Variants in RIT2 observed in about 807,000 individuals in gnomAD.
RIT2 encodes the protein GTP-binding protein Rit2.
Under a neutral mutation model 23.7 loss-of-function variants are expected in RIT2, and 24 were observed. The ratio of observed to expected loss-of-function variants is 1.01; its 90% CI spans 0.73 to 1.43. The LOEUF is 1.43. Ranked by LOEUF, RIT2 falls within the 40% of genes most tolerant of loss-of-function variation. The probability of loss-of-function intolerance (pLI) is 0.00; values close to 1 mark genes in which losing one functional copy is unlikely to be tolerated. For synonymous variants in RIT2, 107 were observed against 91.1 expected (o/e 1.17, Z -0.99); for missense variants, 236 against 266.9 (o/e 0.88, Z 0.81).
At chr18:42,863,798 A>T (rs1437186486) in intron 4 of RIT2, among the ~76,000 whole-genome samples, 14 of 152,008 alleles carry the variant, frequency 9.2e-5, no homozygotes, top group Non-Finnish European at 5.9e-5. Context: ...CCCGAATCTC[A>T]AGCCATAATA....
chr18:43,076,972 G>T (rs1255285322), intron 1 of RIT2, among the ~76,000 whole-genome samples: 3 of 150,104 alleles, frequency 2.0e-5, no homozygotes, highest in South Asian at 2.1e-4. Context: ...CCGTAGTGGC[G>T]GGCGCCTGTA....
chr18:42,771,616 A>T (rs1433698858), intron 4 of RIT2, among the ~76,000 whole-genome samples: 1 of 152,186 alleles, frequency 6.6e-6, no homozygotes, highest in Non-Finnish European at 1.5e-5. Flanking sequence ...GATTGATTTG[A>T]ACAAATACAT....
intron 4 of RIT2, among the ~76,000 whole-genome samples, chr18:42,880,412 A>G (rs571419664): frequency 5.6e-4 from 86 of 152,272 alleles, no homozygotes; most frequent in African/African-American, 1.9e-3. Context: ...GTTTCAAGAG[A>G]GTTGAAAATA....
At chr18:42,912,947 C>G (rs552785092) in intron 4 of RIT2, among the ~76,000 whole-genome samples, 2 of 151,570 alleles carry the variant, frequency 1.3e-5, no homozygotes, top group South Asian at 2.1e-4. Flanking sequence ...ATTAAAATAG[C>G]CAAAATTGTT....
chr18:42,992,116 C>A (rs759689070), intron 2 of RIT2, among the ~76,000 whole-genome samples: 8 of 147,096 alleles, frequency 5.4e-5, no homozygotes, highest in Non-Finnish European at 9.0e-5. Flanking sequence ...TTTAAACTTG[C>A]CTCCTTCACT....
chr18:42,822,325 C>T (rs538126127), intron 4 of RIT2, among the ~76,000 whole-genome samples: 2 of 152,188 alleles, frequency 1.3e-5, no homozygotes, highest in East Asian at 3.9e-4. Flanking sequence ...GGCTCAATGG[C>T]TAATCATGCA....
rs1914051242 is a variant in RIT2 at position 43,115,597 on chromosome 18, T to G, written c.-78A>C. 9.8e-6 allele frequency: 15 copies of G among 1,528,512 alleles called. No homozygotes were observed. In the South Asian group the frequency reaches 1.9e-4, roughly 19 times the overall value. 94.7% of individuals were successfully genotyped at this position (1,528,512 alleles called of 1,614,324 possible). ...TGCTTGCTCGAATATTAAGCAACTC[T>G]AAAACTGTGTCAAAGCAAAGGTTTT... On this transcript the variant is annotated 5_prime_UTR_variant, in exon 1 of 5. Coordinates refer to ENST00000326695, the MANE Select transcript of RIT2 (RefSeq NM_002930.4).
chr18:42,982,621 T>G (rs1029290132), intron 2 of RIT2, among the ~76,000 whole-genome samples: 7 of 152,094 alleles, frequency 4.6e-5, no homozygotes, highest in Admixed American at 4.6e-4. Context: ...ATTTTCAGGA[T>G]TTTAGATGTT....
chr18:42,830,399 T>G (rs570139829), intron 4 of RIT2, among the ~76,000 whole-genome samples: 23 of 152,284 alleles, frequency 1.5e-4, no homozygotes, highest in Non-Finnish European at 2.8e-4. Flanking sequence ...GTCAACATGG[T>G]CAGGATATCA....
Position 43,091,473 on chromosome 18 carries a change from A to T in RIT2, c.103+23944T>A, listed in dbSNP as rs572256919. Among the ~76,000 whole-genome samples the T allele has an allele frequency of 3.3e-5, 5 of 152,198 alleles. 1 individual carries two copies. The South Asian group carries it at 1.0e-3, about 32-fold the overall frequency. On this transcript the variant is annotated intron_variant, in intron 1 of 4. Transcript: ENST00000326695. ...TGCACTGGTGATATTAAAATGCTGAATAATGTGGTCTTTACTATGGCCCCA... is the reference window on the plus strand; with the variant it reads ...TGCACTGGTGATATTAAAATGCTGATTAATGTGGTCTTTACTATGGCCCCA...
intron 4 of RIT2, among the ~76,000 whole-genome samples, chr18:42,886,597 A>G (rs1908028636): frequency 6.6e-6 from 1 of 152,216 alleles, no homozygotes; most frequent in African/African-American, 2.4e-5. Flanking sequence ...TGGGCACATA[A>G]GTTGTACTGC....
At position 42,925,416 on chromosome 18, in the gene RIT2, A is replaced by G. The variant is rs531834023; in HGVS notation, c.235-1653T>C. Among the ~76,000 whole-genome samples, 652 of 152,128 alleles carry G rather than the reference A, an allele frequency of 4.3e-3. 8 individuals carry two copies. The highest frequency in any genetic ancestry group is 0.015 in the African/African-American group (615 of 41,540). Reference sequence around the variant, plus strand: ...ACATTTCTTTGGAAAAGAAATTATAAAATCATCTTAGAAATATGTTTGATC... The same window carrying G: ...ACATTTCTTTGGAAAAGAAATTATAGAATCATCTTAGAAATATGTTTGATC... On this transcript the variant is annotated intron_variant, in intron 3 of 4. Transcript: ENST00000326695.
chr18:43,049,584 ATAGTTAAT>A (rs1912328631), intron 1 of RIT2, among the ~76,000 whole-genome samples: 1 of 152,162 alleles, frequency 6.6e-6, no homozygotes, highest in Non-Finnish European at 1.5e-5. Flanking sequence ...AAATGTTATG[ATAGTTAAT>A]TGCAGGTTCT....
At chr18:43,090,421 T>C (rs72910673) in intron 1 of RIT2, among the ~76,000 whole-genome samples, 20 of 152,244 alleles carry the variant, frequency 1.3e-4, no homozygotes, top group Admixed American at 5.2e-4. Flanking sequence ...ACGCTGTTGA[T>C]GGAAGTGTAA....
chr18:42,798,328 T>C (rs763383247), intron 4 of RIT2, among the ~76,000 whole-genome samples: 8 of 152,218 alleles, frequency 5.3e-5, no homozygotes, highest in Non-Finnish European at 1.0e-4. Flanking sequence ...GTGAACCTAA[T>C]ATTAGGGGAA....
rs576588630 is a variant in RIT2 at position 42,755,435 on chromosome 18, C to T, written c.427-11715G>A. On this transcript the variant is annotated intron_variant, in intron 4 of 4. Transcript: ENST00000326695. Reference sequence around the variant, plus strand: ...CTCCTCCTGGCTGTTTTCTTCAAGTCCCAGCTGAAATATCACCTCCACTGA... The same window carrying T: ...CTCCTCCTGGCTGTTTTCTTCAAGTTCCAGCTGAAATATCACCTCCACTGA... 7.9e-5 allele frequency among the ~76,000 whole-genome samples: 12 copies of T among 152,222 alleles called. No homozygotes were observed. In the South Asian group the frequency reaches 2.5e-3, roughly 32 times the overall value.
intron 4 of RIT2, among the ~76,000 whole-genome samples, chr18:42,778,363 A>AT (rs1250334133): frequency 2.6e-5 from 4 of 152,078 alleles, no homozygotes; most frequent in Non-Finnish European, 4.4e-5. Flanking sequence ...TACTGTCATC[A>AT]TTTTTTTCTC....
intron 4 of RIT2, among the ~76,000 whole-genome samples, chr18:42,912,315 C>A (rs1219433295): frequency 2.0e-5 from 3 of 151,656 alleles, no homozygotes; most frequent in Admixed American, 2.0e-4. Context: ...AAAAACTACA[C>A]CAAACATCAT....
At chr18:42,976,995 C>A (rs2096823575) in intron 2 of RIT2, among the ~76,000 whole-genome samples, 1 of 152,024 alleles carries the variant, frequency 6.6e-6, no homozygotes, top group Non-Finnish European at 1.5e-5. Flanking sequence ...TCTCAGATTT[C>A]TTGCATTTGA....
Sources: gnomAD v4.1 joint callset for allele counts (sites outside exome capture counted in the v4.1 genomes callset) on GRCh38, gnomAD v4.1.1 for gene constraint, MANE v1.5 for transcripts, NCBI Gene and HGNC (gene_info 2026-07-23, HGNC 2026-07-21) for gene names.